The following DGLUCY variants were observed in gnomAD, a reference collection of about 807,000 sequenced individuals.
The protein encoded by DGLUCY is D-glutamate cyclase, also known as D-glutamate cyclase, mitochondrial.
DGLUCY carries 58 observed loss-of-function variants against 58.5 expected under a neutral mutation model. The observed-to-expected ratio is 0.99, with a 90% CI of 0.80 to 1.23. DGLUCY has a LOEUF of 1.23. DGLUCY is among the 50% of genes most tolerant of loss of function. DGLUCY has a pLI of 0.00. For missense variants in DGLUCY, 779 were observed against 784.7 expected (o/e 0.99, Z 0.09); for synonymous variants, 325 against 314.1 (o/e 1.03, Z -0.37).
chr14:91,083,831 A>G (rs1566934469), intron 1 of DGLUCY, among the ~76,000 whole-genome samples: 1 of 151,754 alleles, frequency 6.6e-6, no homozygotes, highest in Non-Finnish European at 1.5e-5. Flanking sequence ...CACTTCTTGG[A>G]GTCACTTTCA....
intron 3 of DGLUCY, among the ~76,000 whole-genome samples, chr14:91,166,981 TACAA>T (rs1448732293): frequency 2.0e-5 from 3 of 151,884 alleles, no homozygotes; most frequent in African/African-American, 7.3e-5. Flanking sequence ...CTACTAAAAA[TACAA>T]ACAATTAGCT....
At chr14:91,152,037 A>G (rs2047367662) in intron 1 of DGLUCY, among the ~76,000 whole-genome samples, 1 of 152,076 alleles carries the variant, frequency 6.6e-6, no homozygotes, top group Admixed American at 6.5e-5. Flanking sequence ...TTGTGGCTTT[A>G]GGACTGGATT....
In DGLUCY at chr14:91,167,313, C is replaced by G. The variant is rs746949922; in HGVS notation, c.192C>G (p.Pro64=). The change falls in exon 4 of 14, where the codon CCC becomes CCG. Residue 64 remains proline, a synonymous_variant. Coordinates refer to ENST00000256324, the MANE Select transcript of DGLUCY (RefSeq NM_001102368.3). The stretch of plus-strand genomic sequence containing the variant: ...GCCAGGTCAACACTGGTCCTCTACC[C>G]CTGCTGGGCCAGAGTGAGCCAGAAA... The part of the protein sequence containing the change: ...RFCQVNTGPL[P]LLGQSEPEKW... The G allele has an allele frequency of 6.2e-7, 1 of 1,613,982 alleles. No homozygotes were observed. Among genetic ancestry groups the G allele is most frequent in the South Asian group, 1.1e-5 (1 of 91,066 alleles).
At chr14:91,183,055 G>A (rs929373272) in intron 8 of DGLUCY, among the ~76,000 whole-genome samples, 3 of 151,106 alleles carry the variant, frequency 2.0e-5, no homozygotes, top group Admixed American at 6.6e-5. Flanking sequence ...GCAGTGATGC[G>A]ATCTTGGCTC....
chr14:91,062,545 CT>C (rs2043722108), intron 1 of DGLUCY, among the ~76,000 whole-genome samples: 1 of 17,778 alleles, frequency 5.6e-5, no homozygotes, highest in African/African-American at 2.0e-4. Context: ...GAGACTCTGT[CT>C]AAAAAAAAAA....
chr14:91,139,713 T>C (rs2046540646), intron 1 of DGLUCY, among the ~76,000 whole-genome samples: 1 of 152,206 alleles, frequency 6.6e-6, no homozygotes, highest in Non-Finnish European at 1.5e-5. Flanking sequence ...ACCAAATGTC[T>C]GTGCACCCTG....
intron 9 of DGLUCY, among the ~76,000 whole-genome samples, chr14:91,195,665 G>GTTTT (rs1300777648): frequency 1.5e-5 from 2 of 134,848 alleles, no homozygotes; most frequent in African/African-American, 5.6e-5. Flanking sequence ...GGTTTTTTGG[G>GTTTT]TTTTGTTTTT....
At chr14:91,088,622 G>A (rs952364846) in intron 1 of DGLUCY, among the ~76,000 whole-genome samples, 1 of 152,222 alleles carries the variant, frequency 6.6e-6, no homozygotes, top group African/African-American at 2.4e-5. Flanking sequence ...AGAGATAGGG[G>A]TTGTGGTCAG....
intron 13 of DGLUCY, 32 bp from the exon 14 acceptor site, chr14:91,224,652 A>G (rs1479690097): frequency 6.4e-7 from 1 of 1,560,574 alleles, no homozygotes; most frequent in Admixed American, 1.7e-5. Flanking sequence ...CTCCCCCTCC[A>G]CTCCTTCTAT....
chr14:91,156,371 C>A (rs1198625604), intron 1 of DGLUCY, among the ~76,000 whole-genome samples: 1 of 152,186 alleles, frequency 6.6e-6, no homozygotes, highest in Non-Finnish European at 1.5e-5. Context: ...ACCTTGGCCT[C>A]CCGAAGTGCC....
exon 1 of DGLUCY, chr14:91,060,647 C>A: frequency 1.9e-6 from 1 of 538,588 alleles, no homozygotes; most frequent in Non-Finnish European, 2.8e-6. Flanking sequence ...ACCGCGCAAC[C>A]AAACCGCCCC....
upstream of DGLUCY, among the ~76,000 whole-genome samples, chr14:91,103,165 C>T (rs562472962): frequency 2.6e-5 from 4 of 152,188 alleles, no homozygotes; most frequent in East Asian, 5.8e-4. Context: ...ACCCTGCTCC[C>T]GTAGGCTGCC....
intron 1 of DGLUCY, among the ~76,000 whole-genome samples, chr14:91,151,843 CG>C: frequency 6.6e-6 from 1 of 151,068 alleles, no homozygotes; most frequent in Middle Eastern, 3.5e-3. Flanking sequence ...TTAGTAGAGA[CG>C]GGGTTTTGCC....
upstream of DGLUCY, among the ~76,000 whole-genome samples, chr14:91,111,286 A>ATTTT (rs200814608): frequency 1.7e-5 from 1 of 58,916 alleles, no homozygotes; most frequent in Admixed American, 1.8e-4. Context: ...ATATATATAT[A>ATTTT]TATATTTTTT....
chr14:91,137,488 C>T (rs929348072), intron 1 of DGLUCY, among the ~76,000 whole-genome samples: 6 of 151,752 alleles, frequency 4.0e-5, no homozygotes, highest in Admixed American at 2.0e-4. Flanking sequence ...CAGGTTCAAG[C>T]GATTACCCTG....
chr14:91,064,032 G>A (rs930339998), intron 1 of DGLUCY, among the ~76,000 whole-genome samples: 1 of 152,218 alleles, frequency 6.6e-6, no homozygotes, highest in African/African-American at 2.4e-5. Flanking sequence ...TTTTGAACTT[G>A]AAGGATTAGA....
At chr14:91,074,304 A>AT (rs1423428317) in intron 1 of DGLUCY, among the ~76,000 whole-genome samples, 7 of 142,944 alleles carry the variant, frequency 4.9e-5, no homozygotes, top group African/African-American at 1.8e-4. Context: ...CAAAAAAAAA[A>AT]AAAAAAAAAT....
chr14:91,201,444 G>A (rs546067022), intron 11 of DGLUCY, among the ~76,000 whole-genome samples: 13 of 152,048 alleles, frequency 8.5e-5, no homozygotes, highest in African/African-American at 2.7e-4. Context: ...GACTATAGGC[G>A]CATGCCACCA....
At chr14:91,061,089 C>T (rs910537455) in intron 1 of DGLUCY, among the ~76,000 whole-genome samples, 1 of 152,092 alleles carries the variant, frequency 6.6e-6, no homozygotes, top group East Asian at 1.9e-4. Flanking sequence ...ACGTTTGGTC[C>T]GCCAATCACC....
Sources: gnomAD v4.1 joint callset for allele counts (sites outside exome capture counted in the v4.1 genomes callset) on GRCh38, gnomAD v4.1.1 for gene constraint, MANE v1.5 for transcripts, NCBI Gene and HGNC (gene_info 2026-07-23, HGNC 2026-07-21) for gene names.